Variants in SV2C observed in about 807,000 individuals in gnomAD.
SV2C encodes the protein synaptic vesicle glycoprotein 2C.
Under a neutral mutation model 79.7 loss-of-function variants are expected in SV2C, and 49 were observed. That is an observed-to-expected ratio of 0.61 (90% confidence interval 0.49 to 0.78). SV2C has a LOEUF of 0.78. Ranked by LOEUF, SV2C falls within the 30% of genes least tolerant of loss-of-function variation. The probability of loss-of-function intolerance (pLI) is 0.00; values close to 1 mark genes in which losing one functional copy is unlikely to be tolerated. For synonymous variants in SV2C, 334 were observed against 333.2 expected (o/e 1.00, Z -0.03); for missense variants, 833 against 912.9 (o/e 0.91, Z 1.13).
At chr5:76,255,363 A>G (rs149304153) in intron 4 of SV2C, among the ~76,000 whole-genome samples, 109 of 152,356 alleles carry the variant, frequency 7.2e-4, no homozygotes, top group African/African-American at 2.4e-3. Context: ...AGACAGGATC[A>G]GCCGGTCTGG....
At chr5:76,073,544 T>TATATATATAC in the SV2C span, among the ~76,000 whole-genome samples, 55 of 121,058 alleles carry the variant, frequency 4.5e-4, no homozygotes, top group Non-Finnish European at 8.9e-4. Context: ...TATATATATA[T>TATATATATAC]ACACCATGGA....
the SV2C span, among the ~76,000 whole-genome samples, chr5:75,933,960 C>T: frequency 6.6e-6 from 1 of 152,156 alleles, no homozygotes; most frequent in African/African-American, 2.4e-5. Flanking sequence ...AAGATTCAAC[C>T]CAATGAAATT....
At chr5:76,057,189 G>C in the SV2C span, among the ~76,000 whole-genome samples, 1 of 152,038 alleles carries the variant, frequency 6.6e-6, no homozygotes, top group Non-Finnish European at 1.5e-5. Context: ...TTCTAATACA[G>C]TGTCTCTTTG....
At chr5:75,981,467 A>G in the SV2C span, among the ~76,000 whole-genome samples, 1 of 152,208 alleles carries the variant, frequency 6.6e-6, no homozygotes, top group Admixed American at 6.5e-5. Context: ...ACTTCAAACT[A>G]TACTATACAG....
chr5:76,045,484 A>G, the SV2C span, among the ~76,000 whole-genome samples: 1 of 152,204 alleles, frequency 6.6e-6, no homozygotes, highest in East Asian at 1.9e-4. Context: ...ATAGCATTGA[A>G]ACTATAAATT....
rs116172720 is a variant in SV2C, at chr5:76,168,352, G to A, written c.581-26567G>A. Among the ~76,000 whole-genome samples the A allele has an allele frequency of 9.9e-3, 1,502 of 152,146 alleles. 19 individuals carry two copies. Among genetic ancestry groups the A allele is most frequent in the African/African-American group, 0.034 (1,395 of 41,498 alleles). On this transcript the variant is annotated intron_variant, in intron 2 of 12. Coordinates refer to ENST00000502798, the MANE Select transcript of SV2C (RefSeq NM_014979.4). ...GACTCAACTCCATGCTTGCCCAACT[G>A]CAGTAGCTGCCCCCACCCCTGCCCA...
the SV2C span, among the ~76,000 whole-genome samples, chr5:76,047,583 AG>A: frequency 1.3e-5 from 2 of 152,156 alleles, no homozygotes; most frequent in African/African-American, 4.8e-5. Context: ...GTGATTGAAA[AG>A]AAAAAAATAT....
intron 1 of SV2C, among the ~76,000 whole-genome samples, chr5:76,121,749 C>A (rs985712032): frequency 6.6e-6 from 1 of 151,804 alleles, no homozygotes; most frequent in African/African-American, 2.4e-5. Flanking sequence ...GGTACCAGTA[C>A]CATGCTGTTT....
chr5:76,013,862 G>T, the SV2C span, among the ~76,000 whole-genome samples: 1 of 152,056 alleles, frequency 6.6e-6, no homozygotes, highest in African/African-American at 2.4e-5. Flanking sequence ...ATTTGGTAAG[G>T]CTCTGCGAGA....
rs1749069677 is a variant in SV2C, at chr5:76,328,355, T to C, written c.*2808T>C. ...ACCTTTTCTAACTAAAATTTCCCTGTTGCTCTTTGGAATCAATCCAGAATG... is the reference window on the plus strand; with the variant it reads ...ACCTTTTCTAACTAAAATTTCCCTGCTGCTCTTTGGAATCAATCCAGAATG... On this transcript the variant is annotated 3_prime_UTR_variant, in exon 13 of 13. Transcript: ENST00000502798. The C allele has an allele frequency of 6.6e-6, 1 of 152,256 alleles. No homozygotes were observed. The highest frequency in any genetic ancestry group is 1.5e-5 in the Non-Finnish European group (1 of 68,050). 9.4% of individuals were successfully genotyped at this position (152,256 alleles called of 1,614,324 possible).
intron 4 of SV2C, among the ~76,000 whole-genome samples, chr5:76,225,497 T>A (rs1437361743): frequency 6.6e-6 from 1 of 152,096 alleles, no homozygotes; most frequent in African/African-American, 2.4e-5. Flanking sequence ...GTGGTCAGCC[T>A]TGAGATCTGG....
At chr5:76,064,129 CATA>C in the SV2C span, among the ~76,000 whole-genome samples, 1 of 152,290 alleles carries the variant, frequency 6.6e-6, no homozygotes, top group East Asian at 1.9e-4. Context: ...TTGGGTATTT[CATA>C]ATAAGCCCTC....
the SV2C span, among the ~76,000 whole-genome samples, chr5:75,988,348 C>G: frequency 2.6e-5 from 4 of 151,884 alleles, no homozygotes; most frequent in African/African-American, 9.7e-5. Flanking sequence ...CTATGGTAAA[C>G]AAAGCTGTGT....
chr5:76,117,580 A>G (rs537087575), intron 1 of SV2C, among the ~76,000 whole-genome samples: 8 of 152,338 alleles, frequency 5.3e-5, no homozygotes, highest in Middle Eastern at 3.4e-3. Flanking sequence ...ACAAAGTGAC[A>G]AAAATTAAAG....
chr5:76,315,101 G>A (rs1034767905), intron 12 of SV2C, among the ~76,000 whole-genome samples: 1 of 152,036 alleles, frequency 6.6e-6, no homozygotes, highest in Non-Finnish European at 1.5e-5. Flanking sequence ...ACTTGTAGGT[G>A]AGTCCTTCTC....
intron 4 of SV2C, among the ~76,000 whole-genome samples, chr5:76,249,778 A>G (rs1315420532): frequency 1.3e-5 from 2 of 152,134 alleles, no homozygotes; most frequent in Non-Finnish European, 2.9e-5. Context: ...GCTGATGCGC[A>G]TGGCTGTGTT....
the SV2C span, among the ~76,000 whole-genome samples, chr5:75,990,656 A>G: frequency 2.0e-5 from 3 of 151,954 alleles, no homozygotes; most frequent in Non-Finnish European, 4.4e-5. Flanking sequence ...AGTCTTAGAC[A>G]ACAAGTCCTG....
intron 4 of SV2C, among the ~76,000 whole-genome samples, chr5:76,279,898 G>A (rs1237412401): frequency 6.6e-6 from 1 of 152,142 alleles, no homozygotes; most frequent in East Asian, 1.9e-4. Flanking sequence ...GAGGGAAAGA[G>A]AAGGATGAGC....
At chr5:76,119,762 G>A (rs957426403) in intron 1 of SV2C, among the ~76,000 whole-genome samples, 3 of 152,098 alleles carry the variant, frequency 2.0e-5, no homozygotes, top group Admixed American at 6.6e-5. Flanking sequence ...TTATGGGGAA[G>A]CTCCACAATG....
Sources: gnomAD v4.1 joint callset for allele counts (sites outside exome capture counted in the v4.1 genomes callset) on GRCh38, gnomAD v4.1.1 for gene constraint, MANE v1.5 for transcripts, NCBI Gene and HGNC (gene_info 2026-07-23, HGNC 2026-07-21) for gene names.